Variants in C3orf62 observed in about 807,000 individuals in gnomAD.
The protein encoded by C3orf62 is uncharacterized protein C3orf62.
Under a neutral mutation model 21.7 loss-of-function variants are expected in C3orf62, and 16 were observed. The ratio of observed to expected loss-of-function variants is 0.74; its 90% CI spans 0.50 to 1.12. The LOEUF (loss-of-function observed/expected upper bound fraction) is 1.12, where lower values mean the gene tolerates loss of function less well. C3orf62 is among the 50% of genes most tolerant of loss of function. The pLI is 0.00. For missense variants in C3orf62, 310 were observed against 318.8 expected (o/e 0.97, Z 0.21); for synonymous variants, 114 against 117.0 (o/e 0.97, Z 0.17).
At position 49,270,909 on chromosome 3, in the gene C3orf62, G is replaced by C. The variant is rs938173950; in HGVS notation, c.*271C>G. The C allele has an allele frequency of 2.1e-5, 9 of 437,342 alleles. No homozygotes were observed. The highest frequency in any genetic ancestry group is 3.3e-5 in the Non-Finnish European group (8 of 243,158). 27.1% of individuals were successfully genotyped at this position (437,342 alleles called of 1,614,324 possible). A position where few individuals can be genotyped will look rare whatever the true frequency, so the allele number is the denominator to read the frequency against. On this transcript the variant is annotated 3_prime_UTR_variant, in exon 3 of 3. Coordinates refer to ENST00000343010, the MANE Select transcript of C3orf62 (RefSeq NM_198562.3). ...GACCCACACCTACCATGGGTACTGG[G>C]TATATTGAACATCAATCAAAAAAAC...
At position 49,269,209 on chromosome 3, in the gene C3orf62, G is replaced by A. The variant is rs551163912; in HGVS notation, c.*1971C>T. The A allele has an allele frequency of 6.6e-6, 1 of 152,320 alleles. No homozygotes were observed. The highest frequency in any genetic ancestry group is 2.1e-4 in the South Asian group (1 of 4,822). 9.4% of individuals were successfully genotyped at this position (152,320 alleles called of 1,614,324 possible). ...CAGGGAAGTGATGCACCCCTCTCATGACATATACATGACATCACTTGGTTA... is the reference window on the plus strand; with the variant it reads ...CAGGGAAGTGATGCACCCCTCTCATAACATATACATGACATCACTTGGTTA... On this transcript the variant is annotated 3_prime_UTR_variant, in exon 3 of 3. Transcript: ENST00000343010.
chr3:49,276,319 AGAG>A (rs1485198171), intron 1 of C3orf62, 105 bp downstream of exon 1: 1 of 1,052,356 alleles, frequency 9.5e-7, no homozygotes, highest in Non-Finnish European at 1.4e-6. Flanking sequence ...AGAGCTGCCA[AGAG>A]GAGGCAAGAG....
intron 1 of C3orf62, chr3:49,274,460 G>A: frequency 4.6e-6 from 1 of 215,628 alleles, no homozygotes; most frequent in Non-Finnish European, 9.3e-6. Context: ...CTCCCAAAGT[G>A]CTGGGAATAC....
rs1432720066 is a variant in C3orf62 at position 49,277,105 on chromosome 3, C to T, written c.-233G>A. On this transcript the variant is annotated 5_prime_UTR_variant, in exon 1 of 3. Transcript: ENST00000343010. ...TCCTGGCCCGCCCCGCCGCTGCCTC[C>T]CGCCCCACCGCGGCTCCCAGGCCGC... 16 of 1,479,418 alleles carry T rather than the reference C, an allele frequency of 1.1e-5. No homozygotes were observed. Among genetic ancestry groups the T allele is most frequent in the South Asian group, 7.3e-5 (6 of 82,234 alleles). 91.6% of individuals were successfully genotyped at this position (1,479,418 alleles called of 1,614,324 possible).
At position 49,274,049 on chromosome 3, in the gene C3orf62, C is replaced by T. The variant is rs2046932936; in HGVS notation, c.538G>A (p.Asp180Asn). Residue 180 changes from aspartate to asparagine, a missense_variant and splice_region_variant, in exon 2 of 3, where the codon GAC (aspartate) becomes AAC (asparagine). By Grantham distance (23) the Asp-to-Asn change is conservative. Transcript: ENST00000343010. The stretch of plus-strand genomic sequence containing the variant: ...GGATGGACTTGCCCACTGTACTCAC[C>T]AATCATATCAAGCAGATCCTTTGTG... ...EVTKDLLDMI[D>N]HTSIRTIEEL... is the part of the protein sequence containing the mutation. The T allele has an allele frequency of 1.2e-6, 2 of 1,611,502 alleles. No individual in the cohort carries two copies. The highest frequency in any genetic ancestry group is 1.7e-5 in the Admixed American group (1 of 59,994).
Position 49,277,039 on chromosome 3 carries a change from G to A in C3orf62, c.-167C>T. 1 of 1,465,916 alleles carries A rather than the reference G, an allele frequency of 6.8e-7. No individual in the cohort carries two copies. Among genetic ancestry groups the A allele is most frequent in the Non-Finnish European group, 9.0e-7 (1 of 1,112,776 alleles). 90.8% of individuals were successfully genotyped at this position (1,465,916 alleles called of 1,614,324 possible). On this transcript the variant is annotated 5_prime_UTR_variant, in exon 1 of 3. Transcript: ENST00000343010. The stretch of plus-strand genomic sequence containing the variant: ...GCTCTCGCGGAGGAACCCGCCATCT[G>A]CCAGAAGCCCCAAAGACGCCCCGCC...
chr3:49,271,863 G>A (rs1457258079), intron 2 of C3orf62, among the ~76,000 whole-genome samples: 3 of 146,000 alleles, frequency 2.1e-5, no homozygotes, highest in East Asian at 2.0e-4. Context: ...AATAACTTGC[G>A]CCCAGGAGTT....
intron 1 of C3orf62, 146 bp downstream of exon 1, chr3:49,276,281 T>G: frequency 1.4e-6 from 1 of 717,056 alleles, no homozygotes; most frequent in East Asian, 2.7e-5. Flanking sequence ...TTCTGAAGAA[T>G]GTCTGTCAAC....
At chr3:49,271,597 G>A (rs1026337790) in intron 2 of C3orf62, 152 bp from the exon 3 acceptor site, 1 of 988,896 alleles carries the variant, frequency 1.0e-6, no homozygotes. Flanking sequence ...CTGCCAGACT[G>A]CCAAATTAAG....
At chr3:49,275,341 C>T (rs2046944758) in intron 1 of C3orf62, among the ~76,000 whole-genome samples, 1 of 151,494 alleles carries the variant, frequency 6.6e-6, no homozygotes, top group Non-Finnish European at 1.5e-5. Flanking sequence ...CCCACCTCAG[C>T]CTCCCAAAGT....
Position 49,274,085 on chromosome 3 carries a change from T to A in C3orf62, c.502A>T (p.Ser168Cys). 1 of 1,614,136 alleles carries A rather than the reference T, an allele frequency of 6.2e-7. No individual in the cohort carries two copies. Among genetic ancestry groups the A allele is most frequent in the East Asian group, 2.2e-5 (1 of 44,886 alleles). Reference protein sequence around the residue: ...ADSNMPLNNSSQEVTKDLLDM... With the variant: ...ADSNMPLNNSCQEVTKDLLDM... ...AGCAGATCCTTTGTGACCTCTTGGC[T>A]AGAATTGTTGAGTGGCATGTTTGAG... Residue 168 changes from serine (S) to cysteine (C), a missense_variant, in exon 2 of 3, where the codon AGC (serine) becomes TGC (cysteine). Transcript: ENST00000343010.
chr3:49,273,844 C>T (rs1280592045), intron 2 of C3orf62, among the ~76,000 whole-genome samples: 1 of 152,004 alleles, frequency 6.6e-6, no homozygotes, highest in East Asian at 1.9e-4. Flanking sequence ...TTAGTAGAGA[C>T]GGGGTTTCAC....
rs1470166810 is a variant in C3orf62 at position 49,276,456 on chromosome 3, CT to C, written c.416del (p.Glu139GlyfsTer10). 8.7e-6 allele frequency: 14 copies of C among 1,610,146 alleles called. No homozygotes were observed. Among genetic ancestry groups the C allele is most frequent in the African/African-American group, 1.3e-5 (1 of 74,762 alleles). On this transcript the variant is annotated frameshift_variant, in exon 1 of 3. Transcript: ENST00000343010. LOFTEE classifies it high-confidence loss of function. ...AATTTTCTTTTCTCCAGTTTTCCCC[CT>C]CTCCTGCAGTTCTCCAAGACTCTCT... ...PERESWRTAG[E>X]GENWRKENLR...
At position 49,276,938 on chromosome 3, in the gene C3orf62, G is replaced by A. The variant is rs2046967369; in HGVS notation, c.-66C>T. 15 of 1,545,398 alleles carry A rather than the reference G, an allele frequency of 9.7e-6. No individual in the cohort carries two copies. The highest frequency in any genetic ancestry group is 1.4e-5 in the African/African-American group (1 of 72,868). On this transcript the variant is annotated 5_prime_UTR_variant, in exon 1 of 3. Coordinates refer to ENST00000343010, the MANE Select transcript of C3orf62 (RefSeq NM_198562.3). Reference sequence around the variant, plus strand: ...CTGCAAACTACCCCTGAATGGCCACGATTTCCTGGAGCTTGGCCCTGGCTA... The same window carrying A: ...CTGCAAACTACCCCTGAATGGCCACAATTTCCTGGAGCTTGGCCCTGGCTA...
Position 49,276,437 on chromosome 3 carries a change from C to A in C3orf62, c.436G>T (p.Glu146Ter). 2 of 1,606,494 alleles carry A rather than the reference C, an allele frequency of 1.2e-6. No homozygotes were observed. Among genetic ancestry groups the A allele is most frequent in the Non-Finnish European group, 1.7e-6 (2 of 1,174,690 alleles). ...CAAAATTAGAATCACCTTAAATTTTCTTTTCTCCAGTTTTCCCCCTCTCCT... is the reference window on the plus strand; with the variant it reads ...CAAAATTAGAATCACCTTAAATTTTATTTTCTCCAGTTTTCCCCCTCTCCT... Reference protein sequence around the residue: ...TAGEGENWRKENLRKDMERDL... With the variant: ...TAGEGENWRK Residue 146 changes from glutamate (E) to a stop codon, truncating the protein, a stop_gained, in exon 1 of 3, where the codon GAA (glutamate) becomes TAA (stop). Coordinates refer to ENST00000343010, the MANE Select transcript of C3orf62 (RefSeq NM_198562.3). LOFTEE classifies it high-confidence loss of function.
Position 49,271,075 on chromosome 3 carries a change from G to A in C3orf62, c.*105C>T. On this transcript the variant is annotated 3_prime_UTR_variant, in exon 3 of 3. Coordinates refer to ENST00000343010, the MANE Select transcript of C3orf62 (RefSeq NM_198562.3). Reference sequence around the variant, plus strand: ...AAAAGGGTCTGGTAATTCAGGTTCTGCCAACCTTTTGAGAAATGTGGCCCC... The same window carrying A: ...AAAAGGGTCTGGTAATTCAGGTTCTACCAACCTTTTGAGAAATGTGGCCCC... 2 of 1,200,820 alleles carry A rather than the reference G, an allele frequency of 1.7e-6. No individual in the cohort carries two copies. The allele number at this position is 1,200,820 out of a possible 1,614,324, so 74.4% of individuals were successfully genotyped here.
intron 2 of C3orf62, among the ~76,000 whole-genome samples, chr3:49,273,815 C>T (rs975411232): frequency 8.5e-5 from 13 of 152,072 alleles, no homozygotes; most frequent in African/African-American, 3.1e-4. Flanking sequence ...ACCACCACGC[C>T]TGGCTAATTT....
chr3:49,271,061 G>A lies in C3orf62; in HGVS notation c.*119C>T. On this transcript the variant is annotated 3_prime_UTR_variant, in exon 3 of 3. Coordinates refer to ENST00000343010, the MANE Select transcript of C3orf62 (RefSeq NM_198562.3). ...ACAACTGGGATTTAAAAAGGGTCTGGTAATTCAGGTTCTGCCAACCTTTTG... is the reference window on the plus strand; with the variant it reads ...ACAACTGGGATTTAAAAAGGGTCTGATAATTCAGGTTCTGCCAACCTTTTG... 1 of 972,118 alleles carries A rather than the reference G, an allele frequency of 1.0e-6. No individual in the cohort carries two copies. Among genetic ancestry groups the A allele is most frequent in the East Asian group, 2.4e-5 (1 of 41,040 alleles). The allele number at this position is 972,118 out of a possible 1,614,324, so 60.2% of individuals were successfully genotyped here.
intron 1 of C3orf62, among the ~76,000 whole-genome samples, chr3:49,276,071 C>T (rs563325363): frequency 6.6e-6 from 1 of 152,216 alleles, no homozygotes; most frequent in South Asian, 2.1e-4. Flanking sequence ...CAGATTCAAA[C>T]ACAGGAGTTA....
Sources: gnomAD v4.1 joint callset for allele counts (sites outside exome capture counted in the v4.1 genomes callset) on GRCh38, gnomAD v4.1.1 for gene constraint, MANE v1.5 for transcripts, NCBI Gene and HGNC (gene_info 2026-07-23, HGNC 2026-07-21) for gene names.